Variants in STARD13 observed in about 807,000 individuals in gnomAD.
The protein encoded by STARD13 is StAR related lipid transfer domain containing 13.
Under a neutral mutation model 106.4 loss-of-function variants are expected in STARD13, and 62 were observed. The ratio of observed to expected loss-of-function variants is 0.58; its 90% CI spans 0.48 to 0.72. The LOEUF (loss-of-function observed/expected upper bound fraction) is 0.72. STARD13 is among the 30% of genes least tolerant of loss of function. STARD13 has a pLI of 0.00. For missense variants in STARD13, 1,387 were observed against 1,424.0 expected (o/e 0.97, Z 0.42); for synonymous variants, 565 against 553.0 (o/e 1.02, Z -0.31).
At chr13:33,203,738 A>G (rs1398416510) in intron 1 of STARD13, among the ~76,000 whole-genome samples, 3 of 152,244 alleles carry the variant, frequency 2.0e-5, no homozygotes, top group East Asian at 3.8e-4. Flanking sequence ...TCCTATAAAC[A>G]AAAGTATTAC....
chr13:33,533,442 G>C, the STARD13 span, among the ~76,000 whole-genome samples: 1 of 152,142 alleles, frequency 6.6e-6, no homozygotes, highest in African/African-American at 2.4e-5. Flanking sequence ...GGTAACCAGA[G>C]GATGTTTTAT....
At chr13:33,544,538 C>T in the STARD13 span, among the ~76,000 whole-genome samples, 1 of 152,128 alleles carries the variant, frequency 6.6e-6, no homozygotes, top group African/African-American at 2.4e-5. Context: ...AGTCGGTTTT[C>T]TGGTCTCAGT....
At chr13:33,612,085 A>G in the STARD13 span, among the ~76,000 whole-genome samples, 1 of 152,230 alleles carries the variant, frequency 6.6e-6, no homozygotes, top group Non-Finnish European at 1.5e-5. Flanking sequence ...CTGAATAAAT[A>G]TGTACCAGGT....
chr13:33,155,167 C>T (rs1167592266), intron 3 of STARD13, among the ~76,000 whole-genome samples: 1 of 152,070 alleles, frequency 6.6e-6, no homozygotes, highest in East Asian at 1.9e-4. Context: ...TGGACATTGG[C>T]ACCTCACCCA....
chr13:33,287,419 A>G (rs1892109877), upstream of STARD13, among the ~76,000 whole-genome samples: 1 of 152,206 alleles, frequency 6.6e-6, no homozygotes, highest in Non-Finnish European at 1.5e-5. Flanking sequence ...GTGGTTACAC[A>G]AGAGTCATCA....
At chr13:33,283,775 T>C (rs1159455374) in intron 1 of STARD13, among the ~76,000 whole-genome samples, 2 of 152,218 alleles carry the variant, frequency 1.3e-5, no homozygotes, top group Non-Finnish European at 2.9e-5. Context: ...CCCATATGTC[T>C]GTGTGACAGG....
chr13:33,110,156 G>A (rs1406233174), intron 11 of STARD13, 66 bp from the exon 12 acceptor site: 1 of 1,480,598 alleles, frequency 6.8e-7, no homozygotes, highest in African/African-American at 1.4e-5. Context: ...TTTTTTGTTT[G>A]GGCTTTTAGT....
At chr13:33,574,957 G>C in the STARD13 span, among the ~76,000 whole-genome samples, 1 of 88,370 alleles carries the variant, frequency 1.1e-5, no homozygotes, top group East Asian at 3.6e-4. Flanking sequence ...TCACTCTTTT[G>C]CCCAGCTGGA....
Position 33,285,466 on chromosome 13 carries a change from T to C in STARD13, c.169+4A>G. On this transcript the variant is annotated splice_donor_region_variant and intron_variant, in intron 1 of 13. Transcript: ENST00000336934. The stretch of plus-strand genomic sequence containing the variant: ...GCAACAGCCTTCCACTGCCGGCCAC[T>C]CACCTTGTTGAATTTTAGTCACTAG... 6.2e-7 allele frequency: 1 copy of C among 1,611,918 alleles called. No homozygotes were observed. The highest frequency in any genetic ancestry group is 8.5e-7 in the Non-Finnish European group (1 of 1,178,416).
the STARD13 span, among the ~76,000 whole-genome samples, chr13:33,581,235 A>C: frequency 6.6e-6 from 1 of 152,208 alleles, no homozygotes; most frequent in Admixed American, 6.5e-5. Context: ...CAGTTATAGA[A>C]GAAAATCTGT....
chr13:33,502,432 G>A, the STARD13 span, among the ~76,000 whole-genome samples: 1 of 152,184 alleles, frequency 6.6e-6, no homozygotes, highest in Non-Finnish European at 1.5e-5. Context: ...TTGAATAGGA[G>A]TGGTGAGAGA....
At chr13:33,551,964 C>G in the STARD13 span, among the ~76,000 whole-genome samples, 1 of 152,086 alleles carries the variant, frequency 6.6e-6, no homozygotes, top group East Asian at 1.9e-4. Context: ...ATATATCATA[C>G]AAACAGTAAC....
intron 6 of STARD13, 149 bp from the exon 7 acceptor site, chr13:33,126,389 G>A: frequency 2.6e-6 from 2 of 774,172 alleles, no homozygotes; most frequent in Non-Finnish European, 4.3e-6. Context: ...TTAATCACAG[G>A]ACACTGCTGT....
chr13:33,535,651 T>G, the STARD13 span, among the ~76,000 whole-genome samples: 9 of 152,162 alleles, frequency 5.9e-5, no homozygotes, highest in Admixed American at 1.3e-4. Flanking sequence ...ATATTGGTTG[T>G]TTTGCACCAA....
chr13:33,216,674 C>T (rs1888062021), intron 1 of STARD13, among the ~76,000 whole-genome samples: 1 of 152,066 alleles, frequency 6.6e-6, no homozygotes, highest in Non-Finnish European at 1.5e-5. Context: ...GGAACTTGCT[C>T]ATGTAACCAA....
At chr13:33,480,745 C>A in the STARD13 span, among the ~76,000 whole-genome samples, 1 of 152,082 alleles carries the variant, frequency 6.6e-6, no homozygotes, top group Non-Finnish European at 1.5e-5. Context: ...GAAACAATGA[C>A]TAGTGTAGTA....
rs773297887 is a variant in STARD13 at position 33,129,283 on chromosome 13, G to A, written c.1394C>T (p.Ser465Phe). 6.2e-7 allele frequency: 1 copy of A among 1,614,144 alleles called. No homozygotes were observed. The highest frequency in any genetic ancestry group is 8.5e-7 in the Non-Finnish European group (1 of 1,180,034). The change falls in exon 5 of 14, where the codon TCC (serine) becomes TTC (phenylalanine). Residue 465 changes from serine (S) to phenylalanine (F), a missense_variant. Ser to Phe is a radical substitution (Grantham distance 155, BLOSUM62 -2). Coordinates refer to ENST00000336934, the MANE Select transcript of STARD13 (RefSeq NM_178006.4). ...RVSIYDNVPG[S>F]HLYASTGDLL... is the part of the protein sequence containing the mutation. ...ATCTCCTGTGCTGGCATACAGATGG[G>A]AGCCAGGGACATTGTCATAGATACT... is the stretch of plus-strand genomic sequence containing the variant.
the STARD13 span, among the ~76,000 whole-genome samples, chr13:33,498,672 A>T: frequency 3.3e-5 from 5 of 152,370 alleles, no homozygotes; most frequent in East Asian, 9.6e-4. Flanking sequence ...AAAAAATGCT[A>T]AAATGGTACA....
chr13:33,313,807 T>C lies in STARD13; in HGVS notation c.124+36483A>G, dbSNP rs550736375. Reference sequence around the variant, plus strand: ...ATTAAACTCTCCTTAGCTGACTGACTTCATAGCTACCTGACCTTTTTTGAA... The same window carrying C: ...ATTAAACTCTCCTTAGCTGACTGACCTCATAGCTACCTGACCTTTTTTGAA... On this transcript the variant is annotated intron_variant, in intron 1 of 5. Transcript: ENST00000567873. 5.9e-5 allele frequency among the ~76,000 whole-genome samples: 9 copies of C among 152,310 alleles called. No individual in the cohort carries two copies. The East Asian group carries it at 1.5e-3, about 26-fold the overall frequency.
Sources: gnomAD v4.1 joint callset for allele counts (sites outside exome capture counted in the v4.1 genomes callset) on GRCh38, gnomAD v4.1.1 for gene constraint, MANE v1.5 for transcripts, NCBI Gene and HGNC (gene_info 2026-07-23, HGNC 2026-07-21) for gene names.